Variants in USP39 observed in about 807,000 individuals in gnomAD.
USP39 encodes ubiquitin carboxyl-terminal hydrolase 39.
A neutral mutation model predicts 66.4 loss-of-function variants in USP39; 38 were observed. The observed-to-expected ratio is 0.57, with a 90% CI of 0.44 to 0.75. The LOEUF is 0.75. Among genes scored for constraint, USP39 ranks in the 30% least tolerant of loss-of-function variants. USP39 has a pLI of 0.00. For synonymous variants in USP39, 303 were observed against 274.6 expected, an observed-to-expected ratio of 1.10 and a Z score of -1.02; for missense variants, 608 against 714.4, an observed-to-expected ratio of 0.85 and a Z score of 1.70.
At chr2:85,643,702 C>T (rs537905985) in intron 10 of USP39, among the ~76,000 whole-genome samples, 4 of 147,548 alleles carry the variant, frequency 2.7e-5, no homozygotes, top group East Asian at 2.0e-4. Context: ...GGCTGGAGTG[C>T]GGTGGCGTTA....
chr2:85,645,827 G>C (rs891198789), intron 11 of USP39: 1 of 152,188 alleles, frequency 6.6e-6, no homozygotes, highest in Non-Finnish European at 1.5e-5. Flanking sequence ...ATTGAGATGG[G>C]GTTGTGCTAT....
At chr2:85,604,375 A>G (rs1345443946) in intron 1 of USP39, among the ~76,000 whole-genome samples, 1 of 151,964 alleles carries the variant, frequency 6.6e-6, no homozygotes, top group African/African-American at 2.4e-5. Flanking sequence ...ATGCCCAGCT[A>G]ATTTTTTTAT....
At chr2:85,610,403 G>T (rs141327189), upstream of USP39, 1 of 152,164 alleles carries the variant, frequency 6.6e-6, no homozygotes, top group African/African-American at 2.4e-5. Context: ...TCACACAGTA[G>T]GTACACAATG....
At chr2:85,639,036 CTTAAG>C (rs1307609953) in intron 8 of USP39, among the ~76,000 whole-genome samples, 162 bp from the exon 9 acceptor site, 1 of 152,050 alleles carries the variant, frequency 6.6e-6, no homozygotes, top group Non-Finnish European at 1.5e-5. Flanking sequence ...CCTGTTGGTT[CTTAAG>C]TTAATCTAAC....
intron 1 of USP39, among the ~76,000 whole-genome samples, chr2:85,617,774 C>T (rs1674109062): frequency 6.6e-6 from 1 of 152,204 alleles, no homozygotes; most frequent in Non-Finnish European, 1.5e-5. Context: ...GACACCAATG[C>T]TATATTCCGG....
intron 2 of USP39, among the ~76,000 whole-genome samples, chr2:85,620,018 C>G (rs1674335291): frequency 6.6e-6 from 1 of 151,990 alleles, no homozygotes; most frequent in Non-Finnish European, 1.5e-5. Flanking sequence ...CCACGCCCAG[C>G]TAATTTTTGT....
chr2:85,612,004 G>C (rs1295119239), upstream of USP39: 2 of 1,489,884 alleles, frequency 1.3e-6, no homozygotes, highest in African/African-American at 2.9e-5. Flanking sequence ...GGGACGCAGA[G>C]TCGCCGCCGC....
chr2:85,616,110 G>C (rs1177710490), upstream of USP39: 6 of 1,360,322 alleles, frequency 4.4e-6, no homozygotes, highest in East Asian at 1.5e-4. Flanking sequence ...TTCGGGGCTC[G>C]CTACCAGCCC....
At chr2:85,646,485 T>C (rs1676655961) in intron 11 of USP39, among the ~76,000 whole-genome samples, 2 of 152,228 alleles carry the variant, frequency 1.3e-5, no homozygotes, top group South Asian at 4.1e-4. Context: ...GTTTCAGTAA[T>C]TGACCTCAAG....
intron 4 of USP39, among the ~76,000 whole-genome samples, chr2:85,625,148 C>T (rs1674752284): frequency 6.6e-6 from 1 of 152,156 alleles, no homozygotes; most frequent in African/African-American, 2.4e-5. Flanking sequence ...TCCTCATTCC[C>T]ACCCAGAGTG....
chr2:85,636,092 T>C lies in USP39; in HGVS notation c.989T>C (p.Leu330Pro). ...TTTCTGTCTTGGTTTCTGAATGCTCTGCACTCAGCTCTGGGGGGCACAAAG... is the reference window on the plus strand; with the variant it reads ...TTTCTGTCTTGGTTTCTGAATGCTCCGCACTCAGCTCTGGGGGGCACAAAG... ...VDFLSWFLNA[L>P]HSALGGTKKK... Residue 330 changes from leucine (L) to proline (P), a missense_variant, in exon 7 of 13, where the codon CTG becomes CCG. Leu to Pro is a moderately conservative substitution (Grantham distance 98). Around this residue, in one of 6 missense-constraint regions of USP39, gnomAD observed 72 missense variants for 60.1 expected, o/e 1.20. Coordinates refer to ENST00000323701, the MANE Select transcript of USP39 (RefSeq NM_006590.4). 6.2e-7 allele frequency: 1 copy of C among 1,614,166 alleles called. No homozygotes were observed. The highest frequency in any genetic ancestry group is 8.5e-7 in the Non-Finnish European group (1 of 1,180,030).
chr2:85,611,700 G>A, upstream of USP39: 1 of 1,583,812 alleles, frequency 6.3e-7, no homozygotes, highest in African/African-American at 1.3e-5. Context: ...CTGCAGGTCT[G>A]GCTTGCGGGG....
chr2:85,613,506 A>C (rs1452846636), upstream of USP39, among the ~76,000 whole-genome samples: 1 of 130,080 alleles, frequency 7.7e-6, no homozygotes, highest in East Asian at 4.1e-4. Flanking sequence ...AAAACAAAAA[A>C]CAAAAACAAA....
chr2:85,629,473 A>C (rs1366750032), intron 5 of USP39, among the ~76,000 whole-genome samples: 1 of 150,208 alleles, frequency 6.7e-6, no homozygotes, highest in Non-Finnish European at 1.5e-5. Flanking sequence ...TTATTGTCCT[A>C]AACCTTTTGA....
chr2:85,633,611 T>A (rs1675536485), intron 6 of USP39, among the ~76,000 whole-genome samples: 1 of 151,870 alleles, frequency 6.6e-6, no homozygotes, highest in African/African-American at 2.4e-5. Flanking sequence ...ACAAAAAATT[T>A]TTAAAAATTA....
chr2:85,611,776 C>T (rs1673548722), upstream of USP39: 2 of 1,612,112 alleles, frequency 1.2e-6, no homozygotes, highest in South Asian at 1.1e-5. Flanking sequence ...ACCTTCTTGT[C>T]ATAGTCGTCC....
chr2:85,626,168 T>G (rs1188005359), intron 5 of USP39, among the ~76,000 whole-genome samples: 1 of 152,114 alleles, frequency 6.6e-6, no homozygotes, highest in Admixed American at 6.6e-5. Context: ...GAGACTAGCT[T>G]GGCCAACATG....
intron 11 of USP39, 66 bp from the exon 12 acceptor site, chr2:85,647,864 T>C: frequency 6.7e-7 from 1 of 1,486,292 alleles, no homozygotes; most frequent in South Asian, 1.1e-5. Flanking sequence ...TTGGCTATGA[T>C]CCTTTCCTTC....
At position 85,625,638 on chromosome 2, in the gene USP39, A is replaced by G; in HGVS notation, c.670A>G (p.Ile224Val). 1.2e-6 allele frequency: 2 copies of G among 1,613,906 alleles called. No homozygotes were observed. The highest frequency in any genetic ancestry group is 1.7e-6 in the Non-Finnish European group (2 of 1,179,872). ...TGATGGTACCACTTACCTGCCGGGT[A>G]TTGTGGGACTGAATAACATAAAGGC... Reference protein sequence around the residue: ...AYDGTTYLPGIVGLNNIKAND... With the variant: ...AYDGTTYLPGVVGLNNIKAND... Residue 224 changes from isoleucine to valine, a missense_variant, in exon 5 of 13, where the codon ATT becomes GTT. Ile to Val is a conservative substitution (Grantham distance 29). Transcript: ENST00000323701.
Sources: gnomAD v4.1 joint callset for allele counts (sites outside exome capture counted in the v4.1 genomes callset) on GRCh38, gnomAD v4.1.1 for gene constraint, gnomAD v4.1.1 regional missense constraint, MANE v1.5 for transcripts, NCBI Gene and HGNC (gene_info 2026-07-23, HGNC 2026-07-21) for gene names.